The following KIDINS220 variants were observed in gnomAD, a reference collection of about 807,000 sequenced individuals.
KIDINS220 encodes kinase D interacting substrate 220, also known as kinase D-interacting substrate of 220 kDa.
KIDINS220 carries 63 observed loss-of-function variants against 157.6 expected under a neutral mutation model. That is an observed-to-expected ratio of 0.40 (90% confidence interval 0.33 to 0.49). The LOEUF is 0.49. KIDINS220 is among the 20% of genes least tolerant of loss of function. The pLI is 0.66. For synonymous variants in KIDINS220, 732 were observed against 783.6 expected, an observed-to-expected ratio of 0.93 and a Z score of 1.10; for missense variants, 1,772 against 2,171.2, an observed-to-expected ratio of 0.82 and a Z score of 3.65.
At chr2:8,740,995 T>G (rs1665544348) in intron 26 of KIDINS220, among the ~76,000 whole-genome samples, 1 of 152,206 alleles carries the variant, frequency 6.6e-6, no homozygotes, top group Admixed American at 6.5e-5. Flanking sequence ...TTTAACATAT[T>G]CAATATCTGG....
intron 9 of KIDINS220, 63 bp from the exon 10 acceptor site, chr2:8,798,363 TA>T: frequency 1.1e-6 from 1 of 896,256 alleles, no homozygotes. Flanking sequence ...CTGCTACTTA[TA>T]AATACAAAAC....
At chr2:8,810,629 T>C (rs1240231562) in intron 6 of KIDINS220, among the ~76,000 whole-genome samples, 1 of 151,982 alleles carries the variant, frequency 6.6e-6, no homozygotes, top group Admixed American at 6.6e-5. Context: ...CTACTAAAAA[T>C]ACAAAAAGTA....
intron 1 of KIDINS220, among the ~76,000 whole-genome samples, chr2:8,834,668 A>G (rs1680139260): frequency 6.6e-6 from 1 of 152,094 alleles, no homozygotes; most frequent in Admixed American, 6.5e-5. Flanking sequence ...CTGGTACACC[A>G]CAGAACCCAG....
At chr2:8,764,517 T>C (rs1214822645) in intron 22 of KIDINS220, among the ~76,000 whole-genome samples, 6 of 152,220 alleles carry the variant, frequency 3.9e-5, no homozygotes, top group African/African-American at 7.2e-5. Context: ...TTCAAAAACA[T>C]TGCTGTGATT....
At chr2:8,834,403 G>A (rs1558515250) in intron 1 of KIDINS220, among the ~76,000 whole-genome samples, 1 of 151,408 alleles carries the variant, frequency 6.6e-6, no homozygotes, top group Non-Finnish European at 1.5e-5. Flanking sequence ...TACGTCACCT[G>A]ATCAGAGCTT....
intron 1 of KIDINS220, among the ~76,000 whole-genome samples, chr2:8,833,218 G>C (rs1030616032): frequency 6.6e-6 from 1 of 152,170 alleles, no homozygotes; most frequent in Non-Finnish European, 1.5e-5. Context: ...CCCTGGGGTA[G>C]TTTCTTCACC....
intron 26 of KIDINS220, among the ~76,000 whole-genome samples, chr2:8,745,439 C>A (rs1241446628): frequency 6.6e-6 from 1 of 152,164 alleles, no homozygotes; most frequent in Non-Finnish European, 1.5e-5. Flanking sequence ...AACCTCTCAA[C>A]GAAAGCACCA....
chr2:8,732,292 C>G (rs191685938), intron 29 of KIDINS220, among the ~76,000 whole-genome samples: 1 of 152,174 alleles, frequency 6.6e-6, no homozygotes, highest in Non-Finnish European at 1.5e-5. Flanking sequence ...GAGACAGGAT[C>G]TTGCTGTGTT....
chr2:8,813,052 A>T (rs1676545823), intron 5 of KIDINS220, among the ~76,000 whole-genome samples, 185 bp downstream of exon 5: 1 of 152,204 alleles, frequency 6.6e-6, no homozygotes, highest in African/African-American at 2.4e-5. Context: ...TGCTGACAAC[A>T]ATTGAGAAAT....
rs192240242 is a variant in KIDINS220, at chr2:8,765,781, G to A, written c.3011+4889C>T. ...TTCACAGGCACAGTCATGGCACGCT[G>A]CAGCCTCCAACTCCCAGGCTCAAGT... On this transcript the variant is annotated intron_variant, in intron 22 of 29. Coordinates refer to ENST00000256707, the MANE Select transcript of KIDINS220 (RefSeq NM_020738.4). Among the ~76,000 whole-genome samples, 47 of 152,196 alleles carry A rather than the reference G, an allele frequency of 3.1e-4. No individual in the cohort carries two copies. In the East Asian group the frequency reaches 8.5e-3, roughly 28 times the overall value.
At chr2:8,783,755 A>G (rs1418257532) in intron 17 of KIDINS220, among the ~76,000 whole-genome samples, 1 of 152,220 alleles carries the variant, frequency 6.6e-6, no homozygotes, top group Admixed American at 6.5e-5. Flanking sequence ...ATCTAACAAA[A>G]TATGTATAAG....
intron 2 of KIDINS220, among the ~76,000 whole-genome samples, chr2:8,825,241 C>T (rs1386701284): frequency 6.6e-6 from 1 of 151,602 alleles, no homozygotes; most frequent in African/African-American, 2.4e-5. Context: ...GGTGTGGTGG[C>T]GCACGACTGT....
intron 24 of KIDINS220, chr2:8,749,453 A>C (rs747813165): frequency 6.6e-6 from 3 of 455,332 alleles, no homozygotes; most frequent in South Asian, 4.7e-5. Flanking sequence ...GAGGTCATTA[A>C]AGTGAGAATA....
chr2:8,829,166 A>G (rs1679251876), intron 1 of KIDINS220, among the ~76,000 whole-genome samples: 1 of 152,228 alleles, frequency 6.6e-6, no homozygotes, highest in African/African-American at 2.4e-5. Context: ...GGTCTAAGGC[A>G]GGGGAATGAG....
intron 22 of KIDINS220, among the ~76,000 whole-genome samples, chr2:8,761,840 T>C (rs1210267509): frequency 1.3e-5 from 2 of 152,204 alleles, no homozygotes; most frequent in African/African-American, 4.8e-5. Context: ...TTCTTAGCAT[T>C]TGAATTAGCT....
chr2:8,730,235 A>G lies in KIDINS220; in HGVS notation c.*485T>C. On this transcript the variant is annotated 3_prime_UTR_variant, in exon 30 of 30. Coordinates refer to ENST00000256707, the MANE Select transcript of KIDINS220 (RefSeq NM_020738.4). Reference sequence around the variant, plus strand: ...CAGAACGCTGGATCTCGGTTTACTCAGCCTCTCCCTGTAGCGTCACAGGCT... The same window carrying G: ...CAGAACGCTGGATCTCGGTTTACTCGGCCTCTCCCTGTAGCGTCACAGGCT... The G allele has an allele frequency of 1.0e-6, 1 of 987,512 alleles. No individual in the cohort carries two copies. Among genetic ancestry groups the G allele is most frequent in the Non-Finnish European group, 1.2e-6 (1 of 831,544 alleles). The allele number at this position is 987,512 out of a possible 1,614,324, so 61.2% of individuals were successfully genotyped here.
At chr2:8,811,985 C>G (rs902274896) in intron 6 of KIDINS220, among the ~76,000 whole-genome samples, 1 of 152,166 alleles carries the variant, frequency 6.6e-6, no homozygotes, top group Non-Finnish European at 1.5e-5. Flanking sequence ...GGCCCATCTT[C>G]ACCCATCATA....
chr2:8,815,567 G>T (rs537519525), intron 4 of KIDINS220, among the ~76,000 whole-genome samples: 2 of 152,258 alleles, frequency 1.3e-5, no homozygotes, highest in South Asian at 4.1e-4. Context: ...TCCTCGGGAG[G>T]CTGAGGCAGA....
chr2:8,807,271 T>C (rs975981030), intron 6 of KIDINS220, among the ~76,000 whole-genome samples: 2 of 152,152 alleles, frequency 1.3e-5, no homozygotes, highest in African/African-American at 4.8e-5. Context: ...GGAATATAAA[T>C]CATGCATTAG....
Sources: allele counts gnomAD v4.1 joint callset (sites outside exome capture counted in the v4.1 genomes callset), GRCh38; gene constraint gnomAD v4.1.1; transcripts MANE v1.5; gene names NCBI Gene and HGNC (gene_info 2026-07-23, HGNC 2026-07-21).